Variants in IST1 observed in about 807,000 individuals in gnomAD.
The protein encoded by IST1 is IST1 homolog.
In IST1, 23 loss-of-function variants were observed where a neutral mutation model predicts 37.0. That is an observed-to-expected ratio of 0.62 (90% CI 0.45 to 0.88). The LOEUF (loss-of-function observed/expected upper bound fraction) is 0.88, where lower values mean the gene tolerates loss of function less well. Among genes scored for constraint, IST1 ranks in the 40% least tolerant of loss-of-function variants. The pLI is 0.00. For synonymous variants in IST1, 180 were observed against 161.7 expected (o/e 1.11, Z -0.86); for missense variants, 488 against 445.4 (o/e 1.10, Z -0.86).
chr16:71,898,459 G>A (rs2037027817), intron 1 of IST1, among the ~76,000 whole-genome samples: 2 of 146,578 alleles, frequency 1.4e-5, no homozygotes, highest in South Asian at 4.3e-4. Flanking sequence ...TGAGGTGAAC[G>A]GATCATGTGA....
At chr16:71,913,829 A>T (rs185282331) in intron 1 of IST1, among the ~76,000 whole-genome samples, 6 of 151,948 alleles carry the variant, frequency 3.9e-5, no homozygotes, top group Middle Eastern at 3.4e-3. Context: ...ATTTTTGGAT[A>T]CGGAGTTTCA....
At chr16:71,921,775 A>C (rs2037592003) in intron 6 of IST1, 3 of 267,912 alleles carry the variant, frequency 1.1e-5, no homozygotes, top group Non-Finnish European at 2.2e-5. Context: ...TTCCCGAAAC[A>C]TTTATTGGGT....
At chr16:71,919,874 T>C (rs959625486) in intron 4 of IST1, among the ~76,000 whole-genome samples, 2 of 152,198 alleles carry the variant, frequency 1.3e-5, no homozygotes, top group African/African-American at 4.8e-5. Context: ...GAAATGCTTG[T>C]TCCCCAGTGC....
intron 8 of IST1, among the ~76,000 whole-genome samples, chr16:71,923,703 A>T (rs753802983): frequency 6.6e-6 from 1 of 152,218 alleles, no homozygotes; most frequent in East Asian, 1.9e-4. Context: ...CACTGAGCTG[A>T]TACAATCGTG....
intron 1 of IST1, 27 bp downstream of exon 1, chr16:71,895,616 G>A (rs1311452561): frequency 2.2e-6 from 2 of 922,140 alleles, no homozygotes; most frequent in African/African-American, 1.8e-5. Flanking sequence ...CGGCGTCAGA[G>A]GTCTCTGTCT....
In IST1 at chr16:71,927,921, A is replaced by G; in HGVS notation, c.*108A>G. Reference sequence around the variant, plus strand: ...CTGTTTCATCTGTTAACCGTCACTCAGCACAACACTCCCTCTGGGCTCTCT... The same window carrying G: ...CTGTTTCATCTGTTAACCGTCACTCGGCACAACACTCCCTCTGGGCTCTCT... On this transcript the variant is annotated 3_prime_UTR_variant, in exon 10 of 10. Transcript: ENST00000378799. 1 of 774,176 alleles carries G rather than the reference A, an allele frequency of 1.3e-6. No homozygotes were observed. Among genetic ancestry groups the G allele is most frequent in the East Asian group, 2.5e-5 (1 of 40,394 alleles). The allele number at this position is 774,176 out of a possible 1,614,324, so 48.0% of individuals were successfully genotyped here.
chr16:71,913,194 A>G (rs1232387746), intron 1 of IST1, among the ~76,000 whole-genome samples: 1 of 151,966 alleles, frequency 6.6e-6, no homozygotes, highest in Non-Finnish European at 1.5e-5. Flanking sequence ...CTGTCTTTCC[A>G]TAATGGTTGT....
At chr16:71,924,327 G>A (rs1272967321) in intron 8 of IST1, 1 of 387,562 alleles carries the variant, frequency 2.6e-6, no homozygotes, top group African/African-American at 2.1e-5. Flanking sequence ...GTTCAACATG[G>A]GGCTGGGCGG....
intron 1 of IST1, among the ~76,000 whole-genome samples, chr16:71,915,122 G>A (rs1482838455): frequency 6.6e-6 from 1 of 152,106 alleles, no homozygotes; most frequent in Non-Finnish European, 1.5e-5. Context: ...GAGACTTGTT[G>A]GCAGGATTTG....
chr16:71,923,930 C>T (rs894843246), intron 8 of IST1, among the ~76,000 whole-genome samples: 2 of 151,884 alleles, frequency 1.3e-5, no homozygotes, highest in African/African-American at 4.8e-5. Context: ...TTTGACCAGC[C>T]TTGTTTCTTC....
rs750700902 is a variant in IST1, at chr16:71,922,603, GTGCCAA to G, written c.687_692del (p.Met238_Pro239del). ...ACCAGTTGGTGGACCTGATGGAACG[GTGCCAA>G]TGCCCATGCCCATGCCCATGCCTAT... On this transcript the variant is annotated inframe_deletion, in exon 7 of 10. Coordinates refer to ENST00000378799, the MANE Select transcript of IST1 (RefSeq NM_001270975.2). 29 of 1,598,032 alleles carry G rather than the reference GTGCCAA, an allele frequency of 1.8e-5. No individual in the cohort carries two copies. The highest frequency in any genetic ancestry group is 8.9e-5 in the South Asian group (8 of 90,054).
At position 71,923,204 on chromosome 16, in the gene IST1, ATTTC is replaced by A. The variant is rs561149348; in HGVS notation, c.760-78_760-75del. On this transcript the variant is annotated intron_variant, in intron 7 of 9. Coordinates refer to ENST00000378799, the MANE Select transcript of IST1 (RefSeq NM_001270975.2). Reference sequence around the variant, plus strand: ...ATATTTAGTATGAGAATATAAATGTATTTCTTTCTCCCTTCCCATACCCAAACCT... The same window carrying A: ...ATATTTAGTATGAGAATATAAATGTATTTCTCCCTTCCCATACCCAAACCT... The A allele has an allele frequency of 1.1e-3, 756 of 700,964 alleles. 2 individuals are homozygous for A. Among genetic ancestry groups the A allele is most frequent in the Middle Eastern group, 2.6e-3 (8 of 3,040 alleles). 43.4% of individuals were successfully genotyped at this position (700,964 alleles called of 1,614,324 possible).
chr16:71,894,575 G>C (rs1468142702), upstream of IST1: 2 of 387,462 alleles, frequency 5.2e-6, no homozygotes, highest in Non-Finnish European at 4.7e-6. Context: ...GCCTAGGCTG[G>C]AGTGCTGTGA....
intron 1 of IST1, among the ~76,000 whole-genome samples, chr16:71,896,508 C>G (rs2036975077): frequency 1.3e-5 from 2 of 152,106 alleles, no homozygotes; most frequent in South Asian, 2.1e-4. Flanking sequence ...CTTGTTTTAT[C>G]TATACCCTTC....
chr16:71,921,539 T>G, intron 6 of IST1, 86 bp downstream of exon 6: 1 of 783,814 alleles, frequency 1.3e-6, no homozygotes, highest in African/African-American at 1.7e-5. Flanking sequence ...TTGCACTAAC[T>G]TAAATTTGTG....
At chr16:71,915,583 A>C (rs778204228) in intron 1 of IST1, 43 bp from the exon 2 acceptor site, 9 of 1,383,192 alleles carry the variant, frequency 6.5e-6, no homozygotes, top group Non-Finnish European at 9.1e-6. Flanking sequence ...TTCCTGAACT[A>C]ATGTTGACTT....
At chr16:71,896,148 C>T (rs560123399) in intron 1 of IST1, among the ~76,000 whole-genome samples, 3 of 152,202 alleles carry the variant, frequency 2.0e-5, no homozygotes, top group Admixed American at 1.3e-4. Flanking sequence ...TAAGGAGCGG[C>T]CTCTGCCCGC....
chr16:71,919,185 T>TA (rs1223807880), intron 4 of IST1, among the ~76,000 whole-genome samples: 1 of 152,224 alleles, frequency 6.6e-6, no homozygotes, highest in African/African-American at 2.4e-5. Context: ...AACTCCCTGA[T>TA]ACAGCCTACA....
At chr16:71,917,276 T>C in intron 4 of IST1, 142 bp downstream of exon 4, 1 of 577,376 alleles carries the variant, frequency 1.7e-6, no homozygotes, top group South Asian at 2.5e-5. Context: ...TAAATTTGTT[T>C]CTCCCTTTCA....
Sources: gnomAD v4.1 joint callset for allele counts (sites outside exome capture counted in the v4.1 genomes callset) on GRCh38, gnomAD v4.1.1 for gene constraint, MANE v1.5 for transcripts, NCBI Gene and HGNC (gene_info 2026-07-23, HGNC 2026-07-21) for gene names.